The following EPB41L3 variants were observed in gnomAD, a reference collection of about 807,000 sequenced individuals.
The protein encoded by EPB41L3 is band 4.1-like protein 3.
Under a neutral mutation model 127.1 loss-of-function variants are expected in EPB41L3, and 57 were observed. The ratio of observed to expected loss-of-function variants is 0.45; its 90% confidence interval spans 0.36 to 0.56. EPB41L3 has a LOEUF of 0.56. EPB41L3 is among the 20% of genes least tolerant of loss of function. EPB41L3 has a pLI of 0.00. For synonymous variants in EPB41L3, 572 were observed against 549.5 expected (o/e 1.04, Z -0.57); for missense variants, 1,273 against 1,372.2 (o/e 0.93, Z 1.14).
At chr18:5,519,040 A>G (rs2092875290) in intron 1 of EPB41L3, among the ~76,000 whole-genome samples, 1 of 151,924 alleles carries the variant, frequency 6.6e-6, no homozygotes, top group African/African-American at 2.4e-5. Context: ...GTGACATCCC[A>G]GGGTGAATTA....
intron 3 of EPB41L3, among the ~76,000 whole-genome samples, chr18:5,600,098 T>C (rs1462009545): frequency 6.6e-6 from 1 of 152,174 alleles, no homozygotes; most frequent in Non-Finnish European, 1.5e-5. Context: ...CAAAATGTAG[T>C]TAGATGATGT....
At chr18:5,523,975 G>A (rs2093112402) in intron 1 of EPB41L3, among the ~76,000 whole-genome samples, 1 of 151,982 alleles carries the variant, frequency 6.6e-6, no homozygotes, top group African/African-American at 2.4e-5. Context: ...TTCTATGTAT[G>A]TGTTTATATA....
At chr18:5,524,630 C>T (rs773780469) in intron 1 of EPB41L3, among the ~76,000 whole-genome samples, 15 of 152,176 alleles carry the variant, frequency 9.9e-5, no homozygotes, top group Non-Finnish European at 1.5e-4. Context: ...GATTCCACTT[C>T]GCTAAAACGT....
At chr18:5,623,181 A>T (rs2094884470) in intron 1 of EPB41L3, among the ~76,000 whole-genome samples, 1 of 152,142 alleles carries the variant, frequency 6.6e-6, no homozygotes, top group Non-Finnish European at 1.5e-5. Flanking sequence ...TTTGATATGA[A>T]TCACACACGT....
chr18:5,584,959 G>A (rs939826772), intron 3 of EPB41L3, among the ~76,000 whole-genome samples: 1 of 152,186 alleles, frequency 6.6e-6, no homozygotes, highest in Non-Finnish European at 1.5e-5. Flanking sequence ...GACTCTTACT[G>A]TCTCAGTCAA....
intron 3 of EPB41L3, chr18:5,467,511 G>C (rs2085212744): frequency 6.6e-6 from 1 of 152,202 alleles, no homozygotes; most frequent in Admixed American, 6.5e-5. Context: ...CACTGCAGAT[G>C]CACTTCAAGA....
At chr18:5,599,362 C>T (rs1321082682) in intron 3 of EPB41L3, among the ~76,000 whole-genome samples, 1 of 152,122 alleles carries the variant, frequency 6.6e-6, no homozygotes, top group Non-Finnish European at 1.5e-5. Context: ...CGTCTCAATT[C>T]TCTGTATCCC....
chr18:5,623,653 T>C (rs976824826), intron 1 of EPB41L3, among the ~76,000 whole-genome samples: 2 of 99,376 alleles, frequency 2.0e-5, no homozygotes, highest in Non-Finnish European at 3.9e-5. Context: ...TATCTTTTCA[T>C]TCTTTTTTTT....
chr18:5,404,041 G>A (rs1028187764), intron 16 of EPB41L3, among the ~76,000 whole-genome samples: 1 of 152,120 alleles, frequency 6.6e-6, no homozygotes, highest in South Asian at 2.1e-4. Context: ...TGTTCTGAAG[G>A]CTACCTACAG....
intron 3 of EPB41L3, chr18:5,610,406 A>G (rs1258059901): frequency 1.9e-6 from 1 of 535,718 alleles, no homozygotes; most frequent in Non-Finnish European, 2.4e-6. Context: ...TAGATAATTC[A>G]TGAGACATCC....
intron 3 of EPB41L3, among the ~76,000 whole-genome samples, chr18:5,586,806 G>A (rs1008381235): frequency 5.3e-5 from 8 of 151,976 alleles, no homozygotes; most frequent in Non-Finnish European, 8.8e-5. Flanking sequence ...TTGATTATTC[G>A]GTTTGCTCTA....
chr18:5,504,122 A>G (rs1387859388), intron 1 of EPB41L3, among the ~76,000 whole-genome samples: 3 of 152,162 alleles, frequency 2.0e-5, no homozygotes, highest in Admixed American at 6.5e-5. Context: ...GGGGAACAAT[A>G]GAACTTTGCT....
chr18:5,465,341 C>A (rs992059139), intron 3 of EPB41L3, among the ~76,000 whole-genome samples: 4 of 152,094 alleles, frequency 2.6e-5, no homozygotes, highest in Non-Finnish European at 5.9e-5. Flanking sequence ...CCAGGTTAAA[C>A]AACAAATAAA....
rs1237843778 is a variant in EPB41L3, at chr18:5,423,544, T to C, written c.1173A>G (p.Leu391=). The change falls in exon 11 of 23, where the codon TTA becomes TTG. Residue 391 remains leucine (L), a synonymous_variant. Transcript: ENST00000341928. The part of the protein sequence containing the change: ...VEHHTFFRLL[L]PEAPPKKFLT... ...GGAATTTCTTGGGAGGTGCTTCTGG[T>C]AACAGTAGTCTAAAGAGAATAAAGA... is the stretch of plus-strand genomic sequence containing the variant. The C allele has an allele frequency of 6.2e-7, 1 of 1,611,854 alleles. No homozygotes were observed. The highest frequency in any genetic ancestry group is 2.2e-5 in the East Asian group (1 of 44,820).
At chr18:5,578,310 G>A (rs2143086603) in intron 3 of EPB41L3, among the ~76,000 whole-genome samples, 1 of 152,308 alleles carries the variant, frequency 6.6e-6, no homozygotes, top group South Asian at 2.1e-4. Flanking sequence ...GTTACTGTTA[G>A]TGATTATAAC....
At position 5,397,531 on chromosome 18, in the gene EPB41L3, G is replaced by T. The variant is rs1045901918; in HGVS notation, c.2473-105C>A. The stretch of plus-strand genomic sequence containing the variant: ...AGGATGTCTAAAGCCAGCAGCAAGT[G>T]CTTATAACCAGAAACACTGACGAAA... On this transcript the variant is annotated intron_variant, in intron 17 of 22. Coordinates refer to ENST00000341928, the MANE Select transcript of EPB41L3 (RefSeq NM_012307.5). This position sits in a 1 kb window ranked among gnomAD's most constrained non-coding sequence, Gnocchi z 4.1. 2.9e-5 allele frequency: 39 copies of T among 1,365,364 alleles called. No homozygotes were observed. The African/African-American group carries it at 5.1e-4, about 18-fold the overall frequency. The allele number at this position is 1,365,364 out of a possible 1,614,324, so 84.6% of individuals were successfully genotyped here.
In EPB41L3 at chr18:5,415,956, C is replaced by G; in HGVS notation, c.1929G>C (p.Leu643=). 6.2e-7 allele frequency: 1 copy of G among 1,613,984 alleles called. No homozygotes were observed. Among genetic ancestry groups the G allele is most frequent in the Non-Finnish European group, 8.5e-7 (1 of 1,180,020 alleles). Residue 643 remains leucine, a synonymous_variant, in exon 13 of 23, where the codon CTG becomes CTC. Coordinates refer to ENST00000341928, the MANE Select transcript of EPB41L3 (RefSeq NM_012307.5). ...VPCFLFIFFF[L]LSASFSVPYA... The stretch of plus-strand genomic sequence containing the variant: ...ATGGCACTGAGAAGGAGGCAGACAG[C>G]AGAAAGAAAAAGATGAAGAGGAAAC...
chr18:5,476,921 C>T lies in EPB41L3; in HGVS notation c.381+1320G>A, dbSNP rs563759409. ...CGGTCCTTGGGGATTCCTGCAGCAG[C>T]CCATCCATGTTTATAAGGATACTGG... On this transcript the variant is annotated intron_variant, in intron 3 of 22. Coordinates refer to ENST00000341928, the MANE Select transcript of EPB41L3 (RefSeq NM_012307.5). Among the ~76,000 whole-genome samples, 35 of 152,222 alleles carry T rather than the reference C, an allele frequency of 2.3e-4. 1 individual carries two copies. The South Asian group carries it at 7.3e-3, about 32-fold the overall frequency.
chr18:5,558,196 G>T (rs916376869), intron 3 of EPB41L3, among the ~76,000 whole-genome samples: 5 of 152,158 alleles, frequency 3.3e-5, no homozygotes, highest in African/African-American at 1.2e-4. Context: ...TATCTGCATG[G>T]ATTTTTACTT....
Sources: allele counts gnomAD v4.1 joint callset (sites outside exome capture counted in the v4.1 genomes callset), GRCh38; gene constraint gnomAD v4.1.1; non-coding constraint Gnocchi (gnomAD v3.1); transcripts MANE v1.5; gene names NCBI Gene and HGNC (gene_info 2026-07-23, HGNC 2026-07-21).